Variants in BAZ1A observed in about 807,000 individuals in gnomAD.
The protein encoded by BAZ1A is bromodomain adjacent to zinc finger domain protein 1A.
BAZ1A carries 50 observed loss-of-function variants against 185.2 expected under a neutral mutation model. The observed-to-expected ratio is 0.27, with a 90% confidence interval of 0.22 to 0.34. BAZ1A has a LOEUF of 0.34. Among genes scored for constraint, BAZ1A ranks in the 10% least tolerant of loss-of-function variants. BAZ1A has a pLI of 1.00. For missense variants in BAZ1A, 1,356 were observed against 1,839.9 expected, an observed-to-expected ratio of 0.74 and a Z score of 4.81; for synonymous variants, 571 against 615.6, an observed-to-expected ratio of 0.93 and a Z score of 1.07.
chr14:34,762,518 C>G (rs113883048), intron 23 of BAZ1A, among the ~76,000 whole-genome samples: 6 of 151,634 alleles, frequency 4.0e-5, no homozygotes, highest in African/African-American at 1.5e-4. Flanking sequence ...TCACTGTCAC[C>G]CAGGCTGGAG....
intron 4 of BAZ1A, among the ~76,000 whole-genome samples, chr14:34,815,760 C>G (rs535022383): frequency 6.6e-6 from 1 of 152,046 alleles, no homozygotes; most frequent in South Asian, 2.1e-4. Context: ...ACCAAAAAAA[C>G]TTGTATACTT....
At chr14:34,783,709 A>C in intron 15 of BAZ1A, 53 bp downstream of exon 15, 1 of 1,567,880 alleles carries the variant, frequency 6.4e-7, no homozygotes, top group Non-Finnish European at 8.6e-7. Flanking sequence ...ATGGTTTTAA[A>C]TGCAAAGAAA....
At chr14:34,856,289 C>CTTTTTTT (rs10707416) in intron 3 of BAZ1A, among the ~76,000 whole-genome samples, 1 of 134,508 alleles carries the variant, frequency 7.4e-6, no homozygotes. Flanking sequence ...TCAAGAGCAT[C>CTTTTTTT]TTTTTTTTTT....
intron 3 of BAZ1A, among the ~76,000 whole-genome samples, chr14:34,842,100 C>T (rs897466925): frequency 1.3e-5 from 2 of 152,106 alleles, no homozygotes; most frequent in Non-Finnish European, 2.9e-5. Context: ...TAACCCTTTT[C>T]CCAATGCCTA....
intron 4 of BAZ1A, among the ~76,000 whole-genome samples, chr14:34,825,490 A>T (rs1031868289): frequency 7.4e-6 from 1 of 135,954 alleles, no homozygotes; most frequent in African/African-American, 2.7e-5. Flanking sequence ...GGTGGGGGAG[A>T]TGTATAAATG....
chr14:34,792,710 C>T, intron 12 of BAZ1A, 65 bp downstream of exon 12: 1 of 1,556,140 alleles, frequency 6.4e-7, no homozygotes, highest in Non-Finnish European at 8.7e-7. Context: ...TTAAAATTGG[C>T]CCTCAAAAAT....
chr14:34,802,292 T>C (rs1881612027), intron 7 of BAZ1A, among the ~76,000 whole-genome samples: 1 of 152,170 alleles, frequency 6.6e-6, no homozygotes, highest in Non-Finnish European at 1.5e-5. Context: ...CAATGTGGCA[T>C]GATCTGGGCT....
At chr14:34,825,447 CAAAAAAAAA>C (rs35449855) in intron 4 of BAZ1A, among the ~76,000 whole-genome samples, 11 of 55,428 alleles carry the variant, frequency 2.0e-4, no homozygotes, top group African/African-American at 3.3e-4. Flanking sequence ...AACTCTGTCT[CAAAAAAAAA>C]AAAAAAAAAA....
Position 34,776,310 on chromosome 14 carries a change from G to A in BAZ1A, c.2442C>T (p.Tyr814=), listed in dbSNP as rs1412552312. ...GTCCAGGAATAGAAGGGAAAATCCA[G>A]TATCGTCTATACATGCGGTCGCGAC... The part of the protein sequence containing the change: ...PLGRDRMYRR[Y]WIFPSIPGLF... Residue 814 remains tyrosine, a synonymous_variant, in exon 18 of 27, where the codon TAC becomes TAT. Coordinates refer to ENST00000360310, the MANE Select transcript of BAZ1A (RefSeq NM_013448.3). The A allele has an allele frequency of 1.9e-6, 3 of 1,614,002 alleles. No individual in the cohort carries two copies. Among genetic ancestry groups the A allele is most frequent in the East Asian group, 2.2e-5 (1 of 44,882 alleles).
At chr14:34,835,828 C>T (rs527813137) in intron 3 of BAZ1A, among the ~76,000 whole-genome samples, 5 of 151,534 alleles carry the variant, frequency 3.3e-5, no homozygotes, top group South Asian at 4.2e-4. Context: ...TGCGCCACCA[C>T]GCCCAGCTAA....
At chr14:34,787,363 A>AAAAAAAAGAAAAG (rs775338809) in intron 12 of BAZ1A, among the ~76,000 whole-genome samples, 25,017 of 111,952 alleles carry the variant, frequency 0.22, 4,591 homozygotes, top group Non-Finnish European at 0.27. Context: ...AAAAAAAAAA[A>AAAAAAAAGAAAAG]AAAAAGAAAA....
chr14:34,832,607 C>T (rs1371256429), intron 3 of BAZ1A, among the ~76,000 whole-genome samples: 3 of 152,022 alleles, frequency 2.0e-5, no homozygotes, highest in Non-Finnish European at 2.9e-5. Context: ...CAATGAGATA[C>T]GACTTCACAC....
intron 24 of BAZ1A, 90 bp from the exon 25 acceptor site, chr14:34,758,936 A>T: frequency 7.5e-7 from 1 of 1,338,800 alleles, no homozygotes; most frequent in South Asian, 1.4e-5. Flanking sequence ...ACCAAATTCC[A>T]ACAGAAAATA....
At chr14:34,777,097 G>A (rs1879681905) in intron 17 of BAZ1A, among the ~76,000 whole-genome samples, 1 of 152,164 alleles carries the variant, frequency 6.6e-6, no homozygotes, top group South Asian at 2.1e-4. Context: ...AGTCATCCCA[G>A]TCCTTCCTCT....
At chr14:34,871,421 T>C (rs1397040724) in intron 2 of BAZ1A, among the ~76,000 whole-genome samples, 1 of 152,238 alleles carries the variant, frequency 6.6e-6, no homozygotes, top group East Asian at 1.9e-4. Flanking sequence ...CTATAGTTGA[T>C]GTGCTATTGA....
In BAZ1A at chr14:34,800,409, C is replaced by T; in HGVS notation, c.962-19G>A. The T allele has an allele frequency of 1.3e-6, 2 of 1,517,524 alleles. No individual in the cohort carries two copies. The highest frequency in any genetic ancestry group is 1.8e-6 in the Non-Finnish European group (2 of 1,133,154). 94.0% of individuals were successfully genotyped at this position (1,517,524 alleles called of 1,614,324 possible). ...TCAAAAGCTGTGAAGAAAAATCAAACTTAGAACTATATATATAGACAAAAT... is the reference window on the plus strand; with the variant it reads ...TCAAAAGCTGTGAAGAAAAATCAAATTTAGAACTATATATATAGACAAAAT... On this transcript the variant is annotated intron_variant, in intron 8 of 26. Transcript: ENST00000360310.
At chr14:34,802,276 A>G (rs988573007) in intron 7 of BAZ1A, among the ~76,000 whole-genome samples, 3 of 152,114 alleles carry the variant, frequency 2.0e-5, no homozygotes, top group African/African-American at 4.8e-5. Context: ...TGTCCAGGCT[A>G]AAGTGCAATG....
At chr14:34,868,664 G>A (rs899104077) in intron 2 of BAZ1A, among the ~76,000 whole-genome samples, 1 of 151,962 alleles carries the variant, frequency 6.6e-6, no homozygotes, top group East Asian at 1.9e-4. Context: ...AGCTGGGCAC[G>A]GTGTCAGGAG....
At chr14:34,765,515 A>C (rs1489575516) in intron 21 of BAZ1A, among the ~76,000 whole-genome samples, 1 of 152,230 alleles carries the variant, frequency 6.6e-6, no homozygotes, top group Non-Finnish European at 1.5e-5. Context: ...TTAATAGCTA[A>C]AGAGAAAAAT....
Sources: gnomAD v4.1 joint callset for allele counts (sites outside exome capture counted in the v4.1 genomes callset) on GRCh38, gnomAD v4.1.1 for gene constraint, MANE v1.5 for transcripts, NCBI Gene and HGNC (gene_info 2026-07-23, HGNC 2026-07-21) for gene names.